Variants in PPP2R5C observed in about 807,000 individuals in gnomAD.
The protein encoded by PPP2R5C is serine/threonine-protein phosphatase 2A 56 kDa regulatory subunit gamma isoform.
In PPP2R5C, 7 loss-of-function variants were observed where a neutral mutation model predicts 68.9. The observed-to-expected ratio is 0.10, with a 90% CI of 0.06 to 0.19. The LOEUF is 0.19. Ranked by LOEUF, PPP2R5C falls within the 10% of genes least tolerant of loss-of-function variation. The probability of loss-of-function intolerance (pLI) is 1.00; values close to 1 mark genes in which losing one functional copy is unlikely to be tolerated. For synonymous variants in PPP2R5C, 210 were observed against 222.2 expected (o/e 0.95, Z 0.49); for missense variants, 348 against 641.3 (o/e 0.54, Z 4.94).
At chr14:101,911,925 G>A (rs1440128865) in intron 11 of PPP2R5C, among the ~76,000 whole-genome samples, 1 of 151,796 alleles carries the variant, frequency 6.6e-6, no homozygotes, top group Non-Finnish European at 1.5e-5. Context: ...GCGATTGAAA[G>A]TCATGTGACT....
At chr14:101,866,083 C>G (rs780974086) in intron 2 of PPP2R5C, among the ~76,000 whole-genome samples, 10 of 152,116 alleles carry the variant, frequency 6.6e-5, no homozygotes, top group Non-Finnish European at 1.3e-4. Context: ...TTAATAGAGA[C>G]AGGGTTTCAC....
At chr14:101,873,182 C>G (rs1234896173) in intron 2 of PPP2R5C, among the ~76,000 whole-genome samples, 1 of 152,166 alleles carries the variant, frequency 6.6e-6, no homozygotes, top group East Asian at 1.9e-4. Context: ...GGACACAATA[C>G]TGTATTCATG....
chr14:101,834,898 T>C (rs2040985144), intron 1 of PPP2R5C, among the ~76,000 whole-genome samples: 1 of 152,248 alleles, frequency 6.6e-6, no homozygotes, highest in Admixed American at 6.5e-5. Context: ...CTGGTGGGCC[T>C]GTGGCCACAG....
intron 1 of PPP2R5C, among the ~76,000 whole-genome samples, chr14:101,817,690 A>AT (rs1015837721): frequency 3.3e-5 from 5 of 150,490 alleles, no homozygotes; most frequent in Non-Finnish European, 1.5e-5. Flanking sequence ...ATCACCCCCC[A>AT]TCCCCCACCC....
chr14:101,889,755 G>A (rs1316494701), intron 5 of PPP2R5C: 4 of 329,282 alleles, frequency 1.2e-5, no homozygotes, highest in Non-Finnish European at 2.3e-5. Context: ...AGGAGTTCAG[G>A]AATCACTTCT....
At chr14:101,784,022 T>A (rs1009669064) in intron 2 of PPP2R5C, among the ~76,000 whole-genome samples, 6 of 152,102 alleles carry the variant, frequency 3.9e-5, no homozygotes, top group Non-Finnish European at 8.8e-5. Context: ...GGCAAAAGAT[T>A]GACAGATGTC....
chr14:101,795,781 C>T (rs2038577269), intron 3 of PPP2R5C, among the ~76,000 whole-genome samples: 1 of 152,132 alleles, frequency 6.6e-6, no homozygotes, highest in Non-Finnish European at 1.5e-5. Context: ...ATATCTCTTG[C>T]TCTCCTCTCA....
chr14:101,827,015 G>A (rs565394060), intron 1 of PPP2R5C, among the ~76,000 whole-genome samples: 32 of 122,108 alleles, frequency 2.6e-4, no homozygotes, highest in Non-Finnish European at 4.1e-4. Flanking sequence ...TTGCTCTGTC[G>A]CCCAGGCTGG....
chr14:101,768,440 G>A lies in PPP2R5C; in HGVS notation c.93+5470G>A, dbSNP rs75692369. Among the ~76,000 whole-genome samples the A allele has an allele frequency of 1.6e-3, 240 of 152,116 alleles. 4 individuals are homozygous for A. The East Asian group carries it at 0.038, about 24-fold the overall frequency. On this transcript the variant is annotated intron_variant, in intron 2 of 14. Transcript: ENST00000328724. ...TTTTCCTTAGAAATTAAAGCTGAAC[G>A]TTTTTAAATAGTTCATCTAATAATA...
intron 1 of PPP2R5C, among the ~76,000 whole-genome samples, chr14:101,842,399 C>A (rs1261682736): frequency 6.6e-6 from 1 of 152,166 alleles, no homozygotes; most frequent in East Asian, 1.9e-4. Context: ...GGCTACGTTG[C>A]TTGTTGGTTT....
upstream of PPP2R5C, among the ~76,000 whole-genome samples, chr14:101,808,054 G>A (rs1017257626): frequency 2.0e-5 from 3 of 150,846 alleles, no homozygotes; most frequent in Non-Finnish European, 4.4e-5. Context: ...TGAACGCCTC[G>A]TTCCTAATTG....
chr14:101,763,087 T>A lies in PPP2R5C; in HGVS notation c.93+117T>A, dbSNP rs1049633021. The A allele has an allele frequency of 5.9e-6, 5 of 853,016 alleles. No homozygotes were observed. In the Admixed American group the frequency reaches 1.4e-4, roughly 25 times the overall value. 52.8% of individuals were successfully genotyped at this position (853,016 alleles called of 1,614,324 possible). On this transcript the variant is annotated intron_variant, in intron 2 of 14. Transcript: ENST00000328724. Reference sequence around the variant, plus strand: ...AAATGTTTCCCTATGTGAGGTTTTTTTTTTGTGGTGTCTTTTATAACCCTC... The same window carrying A: ...AAATGTTTCCCTATGTGAGGTTTTTATTTTGTGGTGTCTTTTATAACCCTC...
intron 1 of PPP2R5C, among the ~76,000 whole-genome samples, chr14:101,849,245 A>T (rs535945812): frequency 6.6e-6 from 1 of 151,962 alleles, no homozygotes; most frequent in Non-Finnish European, 1.5e-5. Context: ...CGTGTATGTG[A>T]GTGTCGTGAG....
At chr14:101,798,512 T>G (rs2038718774) in intron 3 of PPP2R5C, among the ~76,000 whole-genome samples, 1 of 152,244 alleles carries the variant, frequency 6.6e-6, no homozygotes, top group Non-Finnish European at 1.5e-5. Flanking sequence ...TGCACCTGAC[T>G]TCTCAGCTAC....
chr14:101,882,022 G>T lies in PPP2R5C; in HGVS notation c.295-139G>T. 1.6e-6 allele frequency: 1 copy of T among 633,912 alleles called. No individual in the cohort carries two copies. Among genetic ancestry groups the T allele is most frequent in the Non-Finnish European group, 2.6e-6 (1 of 389,168 alleles). 39.3% of individuals were successfully genotyped at this position (633,912 alleles called of 1,614,324 possible). ...CAGGCTCTCTCTGAGGACCCACACA[G>T]CTTCTGCGTTTTGAGGATACGGAGG... is the stretch of plus-strand genomic sequence containing the variant. On this transcript the variant is annotated intron_variant, in intron 2 of 13. Coordinates refer to ENST00000334743, the Ensembl canonical transcript of PPP2R5C. The surrounding 1 kb of genome is among the most constrained non-coding windows in gnomAD (Gnocchi z 4.9).
chr14:101,853,242 TA>T (rs1301601840), intron 1 of PPP2R5C, among the ~76,000 whole-genome samples: 1 of 152,032 alleles, frequency 6.6e-6, no homozygotes, highest in Non-Finnish European at 1.5e-5. Flanking sequence ...AGGTTTTTTT[TA>T]AAACAGTAAA....
intron 1 of PPP2R5C, among the ~76,000 whole-genome samples, chr14:101,824,677 G>A (rs772146611): frequency 4.6e-5 from 7 of 152,232 alleles, no homozygotes; most frequent in Non-Finnish European, 7.3e-5. Flanking sequence ...ACCTAAAGCT[G>A]TATTTCACTC....
In PPP2R5C at chr14:101,779,181, T is replaced by G. The variant is rs547193259; in HGVS notation, c.94-6837T>G. Among the ~76,000 whole-genome samples, 5 of 152,318 alleles carry G rather than the reference T, an allele frequency of 3.3e-5. No homozygotes were observed. The East Asian group carries it at 9.6e-4, about 29-fold the overall frequency. ...TGCATGGAAGTGGTTGTGTGAAGGCTGGAATTAAGGACGTGAGAGACAGTG... is the reference window on the plus strand; with the variant it reads ...TGCATGGAAGTGGTTGTGTGAAGGCGGGAATTAAGGACGTGAGAGACAGTG... On this transcript the variant is annotated intron_variant, in intron 2 of 14. Coordinates refer to the PPP2R5C transcript ENST00000328724.
At chr14:101,833,230 C>T (rs932823930) in intron 1 of PPP2R5C, among the ~76,000 whole-genome samples, 7 of 152,232 alleles carry the variant, frequency 4.6e-5, no homozygotes, top group East Asian at 1.9e-4. Context: ...CGCCTAGGTC[C>T]GCCCCTCGGC....
Sources: allele counts gnomAD v4.1 joint callset (sites outside exome capture counted in the v4.1 genomes callset), GRCh38; gene constraint gnomAD v4.1.1; non-coding constraint Gnocchi (gnomAD v3.1); transcripts MANE v1.5; gene names NCBI Gene and HGNC (gene_info 2026-07-23, HGNC 2026-07-21).